MIR2052HG: variants seen among roughly 807,000 people sequenced by gnomAD.
MIR2052HG encodes the protein MIR2052 host gene.
chr8:74,629,745 A>T (rs1192679412), intron 2 of MIR2052HG, among the ~76,000 whole-genome samples: 1 of 152,180 alleles, frequency 6.6e-6, no homozygotes, highest in East Asian at 1.9e-4. Context: ...GGCCAACCAC[A>T]AGAGTGACTG....
intron 4 of MIR2052HG, among the ~76,000 whole-genome samples, chr8:74,716,702 T>C (rs1175572350): frequency 6.6e-6 from 1 of 151,940 alleles, no homozygotes; most frequent in Admixed American, 6.6e-5. Context: ...AGAACAAGAC[T>C]CTGTCTCAAA....
Position 74,602,826 on chromosome 8 carries a change from T to TTTCTTTCTTTCC in MIR2052HG, n.128+2929_128+2930insCTTCTTTCTTTC, listed in dbSNP as rs1332524757. ...TGCCATGCCCGGCCGTGTTTCTTTC[T>TTTCTTTCTTTCC]TTCTTTCTTTCTTTCTTTCTTTCTT... On this transcript the variant is annotated intron_variant and non_coding_transcript_variant, in intron 1 of 6. Coordinates refer to ENST00000523442, the Ensembl canonical transcript of MIR2052HG. Among the ~76,000 whole-genome samples the TTTCTTTCTTTCC allele has an allele frequency of 6.7e-4, 85 of 127,404 alleles. 3 individuals carry two copies. Among genetic ancestry groups the TTTCTTTCTTTCC allele is most frequent in the Non-Finnish European group, 1.2e-3 (77 of 61,688 alleles). The allele number at this position is 127,404 out of a possible 152,430, so 83.6% of individuals were successfully genotyped here.
chr8:74,624,583 A>G (rs1808410136), intron 2 of MIR2052HG, among the ~76,000 whole-genome samples: 1 of 152,246 alleles, frequency 6.6e-6, no homozygotes, highest in South Asian at 2.1e-4. Context: ...TGGAGTTTGC[A>G]TACTTGCCAT....
intron 2 of MIR2052HG, among the ~76,000 whole-genome samples, chr8:74,684,354 G>A (rs948069897): frequency 5.3e-5 from 8 of 151,924 alleles, no homozygotes; most frequent in Non-Finnish European, 8.8e-5. Flanking sequence ...ACCAAACTAC[G>A]CAAACATATG....
At chr8:74,748,019 G>T (rs1420433933) in intron 4 of MIR2052HG, among the ~76,000 whole-genome samples, 1 of 151,928 alleles carries the variant, frequency 6.6e-6, no homozygotes, top group Non-Finnish European at 1.5e-5. Flanking sequence ...TGTTCTCATT[G>T]TCAAAGCCCA....
intron 1 of MIR2052HG, among the ~76,000 whole-genome samples, chr8:74,600,568 C>G (rs1270808971): frequency 8.4e-6 from 1 of 119,182 alleles, no homozygotes; most frequent in Non-Finnish European, 1.7e-5. Flanking sequence ...AACTCCCTCT[C>G]AAAAAAAAAA....
intron 2 of MIR2052HG, among the ~76,000 whole-genome samples, chr8:74,636,829 C>G (rs1419510230): frequency 6.6e-6 from 1 of 152,092 alleles, no homozygotes; most frequent in Non-Finnish European, 1.5e-5. Flanking sequence ...CTCTATGGCA[C>G]CACTTTTCAG....
At chr8:74,703,613 A>G (rs553371296) in exon 4 of MIR2052HG, 12 of 452,038 alleles carry the variant, frequency 2.7e-5, no homozygotes, top group South Asian at 1.7e-4. Context: ...CAGGTTGCTT[A>G]TTGAATATTA....
chr8:74,607,404 G>C (rs781594711), intron 1 of MIR2052HG, among the ~76,000 whole-genome samples: 19 of 152,184 alleles, frequency 1.2e-4, no homozygotes, highest in Non-Finnish European at 1.9e-4. Context: ...CTGAGGTCAG[G>C]AGTTTGAGAC....
chr8:74,750,743 T>C (rs1177263513), intron 4 of MIR2052HG, among the ~76,000 whole-genome samples: 1 of 152,176 alleles, frequency 6.6e-6, no homozygotes, highest in African/African-American at 2.4e-5. Flanking sequence ...ATTTAATAAG[T>C]GTAGTTTTAG....
chr8:74,711,018 A>G (rs1563537288), intron 4 of MIR2052HG, among the ~76,000 whole-genome samples: 1 of 152,196 alleles, frequency 6.6e-6, no homozygotes, highest in Non-Finnish European at 1.5e-5. Context: ...ATGCCTTGAC[A>G]GGGCTCAGTA....
At chr8:74,751,361 T>A (rs551208267) in intron 4 of MIR2052HG, among the ~76,000 whole-genome samples, 49 of 152,338 alleles carry the variant, frequency 3.2e-4, no homozygotes, top group Non-Finnish European at 5.6e-4. Context: ...GAGAAGGCTA[T>A]GGAAAGCCTT....
intron 4 of MIR2052HG, chr8:74,703,829 G>A: frequency 3.5e-6 from 1 of 289,308 alleles, no homozygotes; most frequent in Non-Finnish European, 6.9e-6. Flanking sequence ...GGATAGCTGA[G>A]GATTAAGCAT....
At chr8:74,627,582 C>T (rs755894369) in intron 2 of MIR2052HG, among the ~76,000 whole-genome samples, 14 of 152,148 alleles carry the variant, frequency 9.2e-5, no homozygotes, top group African/African-American at 1.2e-4. Flanking sequence ...ATTCAGATCA[C>T]GGATTTTTTT....
chr8:74,652,690 T>G (rs1431396756), intron 2 of MIR2052HG, among the ~76,000 whole-genome samples: 1 of 152,196 alleles, frequency 6.6e-6, no homozygotes, highest in Non-Finnish European at 1.5e-5. Flanking sequence ...TTAAATGTGC[T>G]TATCACATAA....
At chr8:74,712,023 G>T (rs269189) in intron 4 of MIR2052HG, among the ~76,000 whole-genome samples, 25,250 of 152,012 alleles carry the variant, frequency 0.17, 2,695 homozygotes, top group Middle Eastern at 0.3. Context: ...CTGAGAAAAA[G>T]AAGATGGTGG....
At chr8:74,649,470 G>A (rs934165144) in intron 2 of MIR2052HG, among the ~76,000 whole-genome samples, 3 of 151,996 alleles carry the variant, frequency 2.0e-5, no homozygotes, top group African/African-American at 4.8e-5. Context: ...AGATAAAAAC[G>A]TGTTGATCAT....
At chr8:74,603,662 A>G in intron 1 of MIR2052HG, 1 of 1,113,350 alleles carries the variant, frequency 9.0e-7, no homozygotes, top group Non-Finnish European at 1.4e-6. Context: ...TGAAGGGTAT[A>G]GGCCTGACCG....
chr8:74,629,426 G>C lies in MIR2052HG; in HGVS notation n.216+16486G>C, dbSNP rs180776816. ...ATTACTTTCAGGATGGTTTTCTACAGTAGGTGATGCCTAGGGTGGGGGAGT... is the reference window on the plus strand; with the variant it reads ...ATTACTTTCAGGATGGTTTTCTACACTAGGTGATGCCTAGGGTGGGGGAGT... On this transcript the variant is annotated intron_variant and non_coding_transcript_variant, in intron 2 of 6. Transcript: ENST00000523442. Among the ~76,000 whole-genome samples the C allele has an allele frequency of 5.9e-5, 9 of 152,234 alleles. No homozygotes were observed. The East Asian group carries it at 1.2e-3, about 20-fold the overall frequency.
Sources: allele counts gnomAD v4.1 joint callset (sites outside exome capture counted in the v4.1 genomes callset), GRCh38; gene constraint gnomAD v4.1.1; transcripts MANE v1.5; gene names NCBI Gene and HGNC (gene_info 2026-07-23, HGNC 2026-07-21).